PPP2R2C: variants seen among roughly 807,000 people sequenced by gnomAD.
PPP2R2C encodes the protein protein phosphatase 2, regulatory subunit B, gamma.
Under a neutral mutation model 45.3 loss-of-function variants are expected in PPP2R2C, and 10 were observed. That is an observed-to-expected ratio of 0.22 (90% CI 0.14 to 0.37). The LOEUF is 0.37. PPP2R2C is among the 10% of genes least tolerant of loss of function. The pLI is 1.00. For synonymous variants in PPP2R2C, 257 were observed against 245.4 expected (o/e 1.05, Z -0.44); for missense variants, 308 against 619.7 (o/e 0.50, Z 5.34).
chr4:6,437,947 A>G (rs1719973000), intron 1 of PPP2R2C, among the ~76,000 whole-genome samples: 1 of 152,184 alleles, frequency 6.6e-6, no homozygotes, highest in African/African-American at 2.4e-5. Context: ...GCTTGTTTTT[A>G]TTCCTTCAGT....
chr4:6,335,928 T>C (rs1732810884), intron 6 of PPP2R2C, among the ~76,000 whole-genome samples: 1 of 152,034 alleles, frequency 6.6e-6, no homozygotes, highest in African/African-American at 2.4e-5. Context: ...GAGATCTATA[T>C]CCCTGTCCTT....
chr4:6,489,659 G>A (rs1301181129), intron 2 of PPP2R2C, among the ~76,000 whole-genome samples: 1 of 152,190 alleles, frequency 6.6e-6, no homozygotes, highest in African/African-American at 2.4e-5. Context: ...TGAAGGCACT[G>A]ATATACCTAG....
At chr4:6,511,488 GGTGGTGATGGCGGTGA>G (rs1723479241) in intron 2 of PPP2R2C, among the ~76,000 whole-genome samples, 1 of 124,236 alleles carries the variant, frequency 8.0e-6, no homozygotes, top group Non-Finnish European at 1.7e-5. Flanking sequence ...TGGCGGTGTT[GGTGGTGATGGCGGTGA>G]TGGTGGTGGT....
intron 1 of PPP2R2C, among the ~76,000 whole-genome samples, chr4:6,559,998 A>G (rs1437412836): frequency 1.3e-5 from 2 of 152,250 alleles, no homozygotes; most frequent in Non-Finnish European, 2.9e-5. Flanking sequence ...TGTGACCCCA[A>G]GGGGCAACTC....
chr4:6,515,225 G>C (rs1290763684), intron 2 of PPP2R2C, among the ~76,000 whole-genome samples: 2 of 152,180 alleles, frequency 1.3e-5, no homozygotes, highest in African/African-American at 2.4e-5. Context: ...CCAGTCAACT[G>C]GAGGCTCTGG....
chr4:6,370,187 GGCC>G (rs1714683977), intron 5 of PPP2R2C, among the ~76,000 whole-genome samples: 1 of 152,210 alleles, frequency 6.6e-6, no homozygotes. Flanking sequence ...CAGGCATGGA[GGCC>G]CGAGCATGAG....
At chr4:6,416,379 C>G (rs568826976) in intron 1 of PPP2R2C, among the ~76,000 whole-genome samples, 1 of 152,186 alleles carries the variant, frequency 6.6e-6, no homozygotes, top group Non-Finnish European at 1.5e-5. Flanking sequence ...TGACTCAAGG[C>G]CTCTTTCCAC....
chr4:6,399,974 T>C (rs1473316193), intron 1 of PPP2R2C, among the ~76,000 whole-genome samples: 1 of 152,248 alleles, frequency 6.6e-6, no homozygotes, highest in East Asian at 1.9e-4. Context: ...GTCTCCATGT[T>C]GGGTTCAGTT....
chr4:6,466,681 T>C (rs1227905387), intron 1 of PPP2R2C, among the ~76,000 whole-genome samples: 1 of 152,098 alleles, frequency 6.6e-6, no homozygotes, highest in Admixed American at 6.5e-5. Flanking sequence ...TCTTCCAGTC[T>C]CAAGGCCTAA....
At chr4:6,484,348 A>T (rs190750709) in intron 2 of PPP2R2C, among the ~76,000 whole-genome samples, 2 of 152,082 alleles carry the variant, frequency 1.3e-5, no homozygotes. Flanking sequence ...CTGTTAATCT[A>T]TCTTGACACC....
chr4:6,432,185 A>T (rs1417500160), intron 1 of PPP2R2C, among the ~76,000 whole-genome samples: 2 of 152,096 alleles, frequency 1.3e-5, no homozygotes, highest in East Asian at 3.9e-4. Context: ...CCTCATGGCT[A>T]TGGTCTTTGC....
At chr4:6,397,974 A>G (rs1265446557) in intron 1 of PPP2R2C, among the ~76,000 whole-genome samples, 2 of 152,236 alleles carry the variant, frequency 1.3e-5, no homozygotes, top group African/African-American at 4.8e-5. Flanking sequence ...CTAAACAGAG[A>G]ATCCAGAACT....
chr4:6,447,719 C>A (rs1208895700), intron 1 of PPP2R2C, among the ~76,000 whole-genome samples: 1 of 152,166 alleles, frequency 6.6e-6, no homozygotes, highest in African/African-American at 2.4e-5. Flanking sequence ...GGCAGGGACA[C>A]AGCCTGGGGT....
rs917257889 is a variant in PPP2R2C, at chr4:6,545,254, C to T, written c.-58-9877G>A. ...CAACGCACCAGTATTTCAACAACTG[C>T]CTAAGTAAACAACAAAATGACTGAA... is the stretch of plus-strand genomic sequence containing the variant. On this transcript the variant is annotated intron_variant, in intron 1 of 9. Transcript: ENST00000506140. Among the ~76,000 whole-genome samples, 2 of 152,174 alleles carry T rather than the reference C, an allele frequency of 1.3e-5. 1 individual carries two copies. Among genetic ancestry groups the T allele is most frequent in the Admixed American group, 1.3e-4 (2 of 15,274 alleles).
intron 2 of PPP2R2C, among the ~76,000 whole-genome samples, chr4:6,490,067 A>G (rs1451381254): frequency 6.6e-6 from 1 of 152,196 alleles, no homozygotes; most frequent in Non-Finnish European, 1.5e-5. Context: ...AATAATTCAC[A>G]GCACTTGCCA....
intron 1 of PPP2R2C, among the ~76,000 whole-genome samples, chr4:6,548,851 A>G (rs982679916): frequency 2.0e-4 from 30 of 152,136 alleles, no homozygotes; most frequent in African/African-American, 7.2e-4. Flanking sequence ...GCTGGACAGC[A>G]AAGTCTTTCT....
intron 1 of PPP2R2C, among the ~76,000 whole-genome samples, chr4:6,396,040 G>C (rs989248490): frequency 3.9e-5 from 6 of 152,206 alleles, no homozygotes; most frequent in African/African-American, 1.4e-4. Context: ...GGTCACCGGG[G>C]AACTCACACA....
chr4:6,415,690 A>C (rs1718530091), intron 1 of PPP2R2C, among the ~76,000 whole-genome samples: 1 of 152,210 alleles, frequency 6.6e-6, no homozygotes, highest in African/African-American at 2.4e-5. Flanking sequence ...ATCCTGCAGA[A>C]GCGGGCAGCA....
At chr4:6,522,056 C>T (rs1314302865) in intron 2 of PPP2R2C, among the ~76,000 whole-genome samples, 1 of 152,100 alleles carries the variant, frequency 6.6e-6, no homozygotes, top group Non-Finnish European at 1.5e-5. Flanking sequence ...TGTTTCCAAA[C>T]CTCACCCGAT....
Sources: gnomAD v4.1 joint callset for allele counts (sites outside exome capture counted in the v4.1 genomes callset) on GRCh38, gnomAD v4.1.1 for gene constraint, MANE v1.5 for transcripts, NCBI Gene and HGNC (gene_info 2026-07-23, HGNC 2026-07-21) for gene names.